The following STPG2 variants were observed in gnomAD, a reference collection of about 807,000 sequenced individuals.
STPG2 encodes the protein sperm-tail PG-rich repeat-containing protein 2.
Under a neutral mutation model 54.2 loss-of-function variants are expected in STPG2, and 56 were observed. That is an observed-to-expected ratio of 1.03 (90% CI 0.83 to 1.29). The LOEUF is 1.29. STPG2 is among the 50% of genes most tolerant of loss of function. STPG2 has a pLI of 0.00. For missense variants in STPG2, 596 were observed against 544.9 expected, an observed-to-expected ratio of 1.09 and a Z score of -0.93; for synonymous variants, 200 against 181.8, an observed-to-expected ratio of 1.10 and a Z score of -0.81.
intron 10 of STPG2, among the ~76,000 whole-genome samples, chr4:97,704,174 T>C (rs1220097989): frequency 6.6e-6 from 1 of 152,138 alleles, no homozygotes. Context: ...ATCAGTATTT[T>C]GAATACTCTG....
At chr4:97,959,225 C>T (rs531010068) in intron 7 of STPG2, among the ~76,000 whole-genome samples, 2 of 151,992 alleles carry the variant, frequency 1.3e-5, no homozygotes, top group African/African-American at 2.4e-5. Context: ...AAAGGTAGTG[C>T]TAAGAGGAAA....
intron 10 of STPG2, among the ~76,000 whole-genome samples, chr4:97,599,054 A>G (rs1431723434): frequency 6.6e-6 from 1 of 152,206 alleles, no homozygotes; most frequent in Admixed American, 6.5e-5. Context: ...AAGTAACTTA[A>G]ACAATTCTAC....
intron 8 of STPG2, among the ~76,000 whole-genome samples, chr4:97,936,222 T>A (rs1732740588): frequency 6.6e-6 from 1 of 152,192 alleles, no homozygotes; most frequent in Non-Finnish European, 1.5e-5. Context: ...CTGTTTACCA[T>A]TTGCTTGGTA....
intron 10 of STPG2, among the ~76,000 whole-genome samples, chr4:97,616,057 A>ATATATATATATATAT (rs1733858264): frequency 2.7e-5 from 1 of 37,394 alleles, no homozygotes; most frequent in African/African-American, 9.1e-5. Context: ...AATACATATA[A>ATATATATATATATAT]ATATATATAT....
At chr4:97,829,536 C>T (rs1053422512) in intron 9 of STPG2, among the ~76,000 whole-genome samples, 4 of 152,016 alleles carry the variant, frequency 2.6e-5, no homozygotes, top group African/African-American at 7.2e-5. Context: ...GATGAATTGA[C>T]GGAAGTACAC....
chr4:97,728,504 T>C (rs973363318), intron 9 of STPG2, among the ~76,000 whole-genome samples: 1 of 152,102 alleles, frequency 6.6e-6, no homozygotes, highest in African/African-American at 2.4e-5. Flanking sequence ...TTTCAAGTTG[T>C]TGTTTTCTTG....
intron 5 of STPG2, among the ~76,000 whole-genome samples, chr4:98,045,904 G>A (rs1737109419): frequency 1.3e-5 from 1 of 79,640 alleles, no homozygotes; most frequent in Non-Finnish European, 2.8e-5. Context: ...CCCTAGGTTT[G>A]GAAATTTTTC....
intron 5 of STPG2, among the ~76,000 whole-genome samples, chr4:98,000,124 C>T (rs1378646541): frequency 6.6e-6 from 1 of 152,042 alleles, no homozygotes; most frequent in Non-Finnish European, 1.5e-5. Context: ...ATATCATTTA[C>T]TATATTTTCC....
At chr4:97,749,158 G>GA (rs986940569) in intron 9 of STPG2, among the ~76,000 whole-genome samples, 15 of 151,584 alleles carry the variant, frequency 9.9e-5, no homozygotes, top group Admixed American at 8.6e-4. Context: ...TGGTTACATG[G>GA]AAAAAACTCA....
chr4:97,724,634 G>A (rs1414525425), intron 9 of STPG2, among the ~76,000 whole-genome samples: 3 of 152,008 alleles, frequency 2.0e-5, no homozygotes, highest in Non-Finnish European at 4.4e-5. Context: ...TTTGCTATAT[G>A]ATGCTATAAT....
chr4:97,452,597 C>A (rs940182160), intron 4 of STPG2, among the ~76,000 whole-genome samples: 1 of 152,168 alleles, frequency 6.6e-6, no homozygotes, highest in Admixed American at 6.5e-5. Flanking sequence ...CAAAGAGGAG[C>A]AACCCTTATT....
chr4:98,031,774 C>T (rs1226421146), intron 5 of STPG2, among the ~76,000 whole-genome samples: 1 of 152,084 alleles, frequency 6.6e-6, no homozygotes, highest in Non-Finnish European at 1.5e-5. Flanking sequence ...GCAGAGTAAA[C>T]AGACAACCCA....
chr4:98,003,720 A>G (rs533575135), intron 5 of STPG2, among the ~76,000 whole-genome samples: 2 of 152,230 alleles, frequency 1.3e-5, no homozygotes, highest in African/African-American at 4.8e-5. Context: ...TCAATTATTC[A>G]TTTATTCATT....
intron 9 of STPG2, among the ~76,000 whole-genome samples, chr4:97,750,918 T>C (rs181760981): frequency 6.6e-6 from 1 of 151,888 alleles, no homozygotes; most frequent in East Asian, 1.9e-4. Context: ...ACCATGTCTT[T>C]CCTTCCTCCA....
intron 9 of STPG2, among the ~76,000 whole-genome samples, chr4:97,765,732 A>G (rs1448727227): frequency 6.6e-6 from 1 of 152,192 alleles, no homozygotes; most frequent in Non-Finnish European, 1.5e-5. Context: ...GCATACAAAC[A>G]AACTAATTCA....
intron 8 of STPG2, among the ~76,000 whole-genome samples, chr4:97,851,981 A>C (rs1729173504): frequency 6.6e-6 from 1 of 152,232 alleles, no homozygotes; most frequent in Non-Finnish European, 1.5e-5. Context: ...CATAATATCC[A>C]TTCTTCAGAG....
chr4:97,960,417 T>C (rs911382469), intron 7 of STPG2, among the ~76,000 whole-genome samples: 3 of 152,144 alleles, frequency 2.0e-5, no homozygotes, highest in Non-Finnish European at 2.9e-5. Context: ...CTGTCACTGT[T>C]TGCTGATGAT....
chr4:97,679,160 C>A (rs59820670), intron 10 of STPG2, among the ~76,000 whole-genome samples: 7,855 of 152,178 alleles, frequency 0.052, 679 homozygotes, highest in African/African-American at 0.18. Flanking sequence ...ATGTCCGGGT[C>A]AAATGGTATT....
At chr4:98,041,313 ATTCT>A (rs922720693) in intron 5 of STPG2, among the ~76,000 whole-genome samples, 5 of 151,696 alleles carry the variant, frequency 3.3e-5, no homozygotes, top group Non-Finnish European at 7.4e-5. Flanking sequence ...ATTCAGATGT[ATTCT>A]TTCTGTCTCT....
Sources: allele counts gnomAD v4.1 joint callset (sites outside exome capture counted in the v4.1 genomes callset), GRCh38; gene constraint gnomAD v4.1.1; transcripts MANE v1.5; gene names NCBI Gene and HGNC (gene_info 2026-07-23, HGNC 2026-07-21).